MGAT4C: variants seen among roughly 807,000 people sequenced by gnomAD.
MGAT4C encodes the protein MGAT4 family member C.
Under a neutral mutation model 40.1 loss-of-function variants are expected in MGAT4C, and 19 were observed. That is an observed-to-expected ratio of 0.47 (90% confidence interval 0.33 to 0.70). The LOEUF is 0.70. Among genes scored for constraint, MGAT4C ranks in the 30% least tolerant of loss-of-function variants. MGAT4C has a pLI of 0.02. For synonymous variants in MGAT4C, 181 were observed against 187.1 expected (o/e 0.97, Z 0.27); for missense variants, 491 against 563.2 (o/e 0.87, Z 1.30).
chr12:86,197,895 G>A (rs1169902177), intron 1 of MGAT4C, among the ~76,000 whole-genome samples: 2 of 151,916 alleles, frequency 1.3e-5, no homozygotes, highest in Non-Finnish European at 2.9e-5. Flanking sequence ...TGTAATATCT[G>A]GTAAATAGTA....
intron 2 of MGAT4C, among the ~76,000 whole-genome samples, chr12:86,495,077 A>C (rs1213801846): frequency 6.6e-6 from 1 of 152,104 alleles, no homozygotes; most frequent in East Asian, 1.9e-4. Flanking sequence ...ATATACACTA[A>C]AGTTACTCTT....
intron 1 of MGAT4C, among the ~76,000 whole-genome samples, chr12:86,807,439 T>C (rs1239771415): frequency 6.6e-6 from 1 of 152,060 alleles, no homozygotes; most frequent in East Asian, 1.9e-4. Flanking sequence ...TCTATGTTCC[T>C]GCAAGGACAT....
At chr12:86,827,165 T>G (rs369054928) in intron 1 of MGAT4C, among the ~76,000 whole-genome samples, 36 of 151,440 alleles carry the variant, frequency 2.4e-4, no homozygotes, top group African/African-American at 8.7e-4. Flanking sequence ...AAAATCATTT[T>G]AATTGAACCA....
intron 1 of MGAT4C, among the ~76,000 whole-genome samples, chr12:86,085,820 CA>C (rs1158830571): frequency 6.6e-6 from 1 of 152,012 alleles, no homozygotes; most frequent in Non-Finnish European, 1.5e-5. Flanking sequence ...TAGAGAAATG[CA>C]AAGCAAAACC....
chr12:85,992,840 C>T (rs73187654), intron 2 of MGAT4C, among the ~76,000 whole-genome samples: 6,839 of 152,184 alleles, frequency 0.045, 222 homozygotes, highest in Non-Finnish European at 0.063. Flanking sequence ...GGACCTTTGC[C>T]GAGACTGTAG....
intron 2 of MGAT4C, among the ~76,000 whole-genome samples, chr12:86,476,891 A>T (rs1957844377): frequency 5.9e-5 from 9 of 152,084 alleles, no homozygotes; most frequent in Admixed American, 5.9e-4. Context: ...ACTGATGAAT[A>T]TAAAGATGTT....
At chr12:86,268,140 T>C (rs1250184352) in intron 4 of MGAT4C, among the ~76,000 whole-genome samples, 1 of 152,154 alleles carries the variant, frequency 6.6e-6, no homozygotes, top group Admixed American at 6.5e-5. Context: ...TCATCAGTCT[T>C]ACAGACTTAT....
In MGAT4C at chr12:86,518,711, T is replaced by A. The variant is rs1958740745; in HGVS notation, c.-228-83446A>T. ...TTCCATATGAAAAAAGAAAGTATAA[T>A]TGCTCAAAAAGACTTGCACACTACT... On this transcript the variant is annotated intron_variant, in intron 2 of 7. Coordinates refer to the MGAT4C transcript ENST00000548651. 2.0e-5 allele frequency among the ~76,000 whole-genome samples: 3 copies of A among 152,252 alleles called. No homozygotes were observed. In the South Asian group the frequency reaches 6.2e-4, roughly 32 times the overall value.
intron 2 of MGAT4C, among the ~76,000 whole-genome samples, chr12:86,010,780 T>A (rs1052000868): frequency 6.6e-6 from 1 of 152,214 alleles, no homozygotes; most frequent in Non-Finnish European, 1.5e-5. Context: ...AACAGGTGAC[T>A]GGATCATGAG....
At chr12:86,195,414 T>G (rs1238988135) in intron 1 of MGAT4C, among the ~76,000 whole-genome samples, 2 of 152,196 alleles carry the variant, frequency 1.3e-5, no homozygotes, top group African/African-American at 4.8e-5. Context: ...AAGGTATTTT[T>G]TAAAGGAGAC....
At chr12:86,439,205 A>T (rs1957186652) in intron 2 of MGAT4C, among the ~76,000 whole-genome samples, 1 of 152,030 alleles carries the variant, frequency 6.6e-6, no homozygotes, top group South Asian at 2.1e-4. Flanking sequence ...ATCATTCTCC[A>T]AGATAGAACA....
At chr12:86,107,934 T>C (rs1876510364) in intron 1 of MGAT4C, among the ~76,000 whole-genome samples, 1 of 152,108 alleles carries the variant, frequency 6.6e-6, no homozygotes, top group Non-Finnish European at 1.5e-5. Context: ...TTATATTAAA[T>C]AAATTTATTA....
chr12:86,579,794 T>G (rs1157759542), intron 2 of MGAT4C, among the ~76,000 whole-genome samples: 4 of 151,532 alleles, frequency 2.6e-5, no homozygotes, highest in Non-Finnish European at 4.4e-5. Context: ...CTTTCATGTT[T>G]GAAGAATATT....
chr12:86,383,628 GC>G (rs1955996175), intron 3 of MGAT4C, among the ~76,000 whole-genome samples: 1 of 148,584 alleles, frequency 6.7e-6, no homozygotes, highest in South Asian at 2.1e-4. Flanking sequence ...GAGGCCTGTA[GC>G]CCCTTTATTT....
At chr12:86,050,124 G>A (rs1002704269) in intron 1 of MGAT4C, among the ~76,000 whole-genome samples, 10 of 151,942 alleles carry the variant, frequency 6.6e-5, no homozygotes, top group East Asian at 1.9e-4. Flanking sequence ...ACTTCAGTCC[G>A]TATCACTGAA....
intron 1 of MGAT4C, among the ~76,000 whole-genome samples, chr12:86,072,882 A>G (rs1469737921): frequency 3.3e-5 from 5 of 152,156 alleles, no homozygotes; most frequent in Non-Finnish European, 7.4e-5. Flanking sequence ...AAAATTTTTG[A>G]GATTCATTAA....
intron 1 of MGAT4C, among the ~76,000 whole-genome samples, chr12:86,220,029 G>A (rs182183670): frequency 1.6e-3 from 237 of 152,198 alleles, no homozygotes; most frequent in Non-Finnish European, 2.5e-3. Flanking sequence ...GAGAAAGACT[G>A]CCCTATAATT....
chr12:86,559,353 C>T (rs1014936299), intron 2 of MGAT4C, among the ~76,000 whole-genome samples: 3 of 151,896 alleles, frequency 2.0e-5, no homozygotes, highest in Non-Finnish European at 2.9e-5. Context: ...AATTCAACAG[C>T]CACAGAAGAC....
chr12:85,980,793 C>T (rs1211062066), intron 4 of MGAT4C, among the ~76,000 whole-genome samples: 1 of 151,892 alleles, frequency 6.6e-6, no homozygotes, highest in Non-Finnish European at 1.5e-5. Flanking sequence ...AGATAACATA[C>T]AAGTTACTTT....
Sources: gnomAD v4.1 joint callset for allele counts (sites outside exome capture counted in the v4.1 genomes callset) on GRCh38, gnomAD v4.1.1 for gene constraint, MANE v1.5 for transcripts, NCBI Gene and HGNC (gene_info 2026-07-23, HGNC 2026-07-21) for gene names.